TMEM132D: variants seen among roughly 807,000 people sequenced by gnomAD.
The protein encoded by TMEM132D is mature OL transmembrane protein.
TMEM132D carries 21 observed loss-of-function variants against 62.3 expected under a neutral mutation model. The observed-to-expected ratio is 0.34, with a 90% CI of 0.24 to 0.49. The LOEUF (loss-of-function observed/expected upper bound fraction) is 0.49, where lower values mean the gene tolerates loss of function less well. TMEM132D is among the 20% of genes least tolerant of loss of function. The pLI is 0.99. For synonymous variants in TMEM132D, 621 were observed against 575.6 expected, an observed-to-expected ratio of 1.08 and a Z score of -1.13; for missense variants, 1,346 against 1,402.8, an observed-to-expected ratio of 0.96 and a Z score of 0.65.
rs150837672 is a variant in TMEM132D, at chr12:129,637,990, C to T, written c.968+61820G>A. 1.4e-4 allele frequency among the ~76,000 whole-genome samples: 21 copies of T among 152,248 alleles called. No homozygotes were observed. In the East Asian group the frequency reaches 2.7e-3, roughly 20 times the overall value. On this transcript the variant is annotated intron_variant, in intron 2 of 8. Transcript: ENST00000422113. ...GCCCCACCTCCAACACTAGGGATCA[C>T]GTTTCAAAATGAGATTTGGGTGAGG...
chr12:129,165,685 T>C lies in TMEM132D; in HGVS notation c.1443+43835A>G, dbSNP rs1206794066. On this transcript the variant is annotated intron_variant, in intron 5 of 8. Coordinates refer to ENST00000422113, the MANE Select transcript of TMEM132D (RefSeq NM_133448.3). ...AGCAGTGTCAAACATTTCTTCTTTT[T>C]TTTTTTCCCCTACAAAAGAGATACT... Among the ~76,000 whole-genome samples the C allele has an allele frequency of 3.8e-5, 4 of 104,974 alleles. No homozygotes were observed. The East Asian group carries it at 9.5e-4, about 25-fold the overall frequency. The allele number at this position is 104,974 out of a possible 152,430, so 68.9% of individuals were successfully genotyped here. A position where few individuals can be genotyped will look rare whatever the true frequency, so the allele number is the denominator to read the frequency against.
intron 2 of TMEM132D, among the ~76,000 whole-genome samples, chr12:129,693,781 T>C (rs553114419): frequency 6.6e-6 from 1 of 152,214 alleles, no homozygotes; most frequent in South Asian, 2.1e-4. Flanking sequence ...CTTATTATAA[T>C]AGTAAAAAAA....
At chr12:129,314,860 G>GTTAT (rs60812899) in intron 4 of TMEM132D, among the ~76,000 whole-genome samples, 2,610 of 151,852 alleles carry the variant, frequency 0.017, 66 homozygotes, top group African/African-American at 0.058. Context: ...ATATTCCTAA[G>GTTAT]TTATTTATTT....
At chr12:129,095,399 G>T (rs1875079516) in intron 5 of TMEM132D, among the ~76,000 whole-genome samples, 1 of 145,574 alleles carries the variant, frequency 6.9e-6, no homozygotes, top group South Asian at 2.2e-4. Flanking sequence ...ACCCAGGCTG[G>T]AGTGGAGTGA....
intron 5 of TMEM132D, chr12:129,208,918 G>A (rs969647323): frequency 1.3e-5 from 2 of 152,250 alleles, no homozygotes; most frequent in African/African-American, 4.8e-5. Flanking sequence ...TTCAATTTAA[G>A]AAGAGAAAGA....
Position 129,771,525 on chromosome 12 carries a change from CG to C in TMEM132D, c.80-70828del, listed in dbSNP as rs201564194. Among the ~76,000 whole-genome samples the C allele has an allele frequency of 5.6e-4, 86 of 152,288 alleles. No homozygotes were observed. The East Asian group carries it at 0.01, about 18-fold the overall frequency. On this transcript the variant is annotated intron_variant, in intron 1 of 8. Coordinates refer to ENST00000422113, the MANE Select transcript of TMEM132D (RefSeq NM_133448.3). The stretch of plus-strand genomic sequence containing the variant: ...ATGCAGCTATTCATCTTGCCACTGC[CG>C]GTTGCCTATTTGCAAACTGGGGCCA...
At chr12:129,512,528 G>A (rs570289332) in intron 3 of TMEM132D, among the ~76,000 whole-genome samples, 1 of 152,316 alleles carries the variant, frequency 6.6e-6, no homozygotes, top group Admixed American at 6.5e-5. Context: ...ATATTGTAGT[G>A]TAACAAAACA....
chr12:129,568,784 T>G (rs1877435261), intron 2 of TMEM132D, among the ~76,000 whole-genome samples: 1 of 152,248 alleles, frequency 6.6e-6, no homozygotes, highest in South Asian at 2.1e-4. Flanking sequence ...TTTTGTTGTT[T>G]GGTTGGTTCA....
intron 2 of TMEM132D, among the ~76,000 whole-genome samples, chr12:129,598,467 C>T (rs1878400889): frequency 1.3e-5 from 2 of 152,180 alleles, no homozygotes; most frequent in African/African-American, 2.4e-5. Context: ...CCCAGCTCTA[C>T]TGCAAAATTA....
At chr12:129,691,085 C>T (rs1017466100) in intron 2 of TMEM132D, among the ~76,000 whole-genome samples, 1 of 151,746 alleles carries the variant, frequency 6.6e-6, no homozygotes, top group Non-Finnish European at 1.5e-5. Flanking sequence ...TTCTCAATAA[C>T]ATATGAATCA....
rs145078030 is a variant in TMEM132D, at chr12:129,422,782, A to G, written c.1116-84965T>C. 7.1e-3 allele frequency among the ~76,000 whole-genome samples: 1,074 copies of G among 151,968 alleles called. 9 individuals are homozygous for G. Among genetic ancestry groups the G allele is most frequent in the Admixed American group, 0.018 (270 of 15,278 alleles). On this transcript the variant is annotated intron_variant, in intron 3 of 8. Transcript: ENST00000422113. ...AGGAAAAGACTACTGTCAACAGGTAAATGATTGAATACATTATGATAAAAT... is the reference window on the plus strand; with the variant it reads ...AGGAAAAGACTACTGTCAACAGGTAGATGATTGAATACATTATGATAAAAT...
chr12:129,266,394 C>A (rs369275759), intron 4 of TMEM132D, among the ~76,000 whole-genome samples: 7 of 150,808 alleles, frequency 4.6e-5, no homozygotes, highest in African/African-American at 1.7e-4. Context: ...CCCTTCCTTT[C>A]TCTTCTCTCC....
chr12:129,890,573 G>A lies in TMEM132D; in HGVS notation c.79+12688C>T, dbSNP rs545165072. ...AGCAGTGAAGACCATGACCAACACA[G>A]AAGAAGCACAATTGTGGAAAAGAGA... On this transcript the variant is annotated intron_variant, in intron 1 of 8. Transcript: ENST00000422113. Among the ~76,000 whole-genome samples, 54 of 152,174 alleles carry A rather than the reference G, an allele frequency of 3.5e-4. 1 individual carries two copies. The highest frequency in any genetic ancestry group is 6.8e-4 in the Non-Finnish European group (46 of 68,042).
intron 1 of TMEM132D, among the ~76,000 whole-genome samples, chr12:129,824,165 C>A (rs1872601980): frequency 1.3e-5 from 2 of 152,156 alleles, no homozygotes; most frequent in Non-Finnish European, 2.9e-5. Flanking sequence ...AAGAAACCAG[C>A]TGGATTACAA....
intron 1 of TMEM132D, among the ~76,000 whole-genome samples, chr12:129,901,820 A>G (rs1272809611): frequency 2.6e-5 from 4 of 152,022 alleles, no homozygotes; most frequent in African/African-American, 4.8e-5. Flanking sequence ...CAGCATAAAC[A>G]CAAAGAAGTC....
chr12:129,492,434 C>T (rs1335005286), intron 3 of TMEM132D, among the ~76,000 whole-genome samples: 9 of 152,166 alleles, frequency 5.9e-5, no homozygotes, highest in Admixed American at 3.9e-4. Context: ...TAGTAGAGAA[C>T]ATCTCATTAG....
At chr12:129,426,685 G>A (rs114342971) in intron 3 of TMEM132D, among the ~76,000 whole-genome samples, 1,740 of 152,292 alleles carry the variant, frequency 0.011, 18 homozygotes, top group African/African-American at 0.025. Context: ...TGACACATGT[G>A]CTTACTCTAA....
At chr12:129,538,366 C>A (rs1876465753) in intron 2 of TMEM132D, among the ~76,000 whole-genome samples, 1 of 152,262 alleles carries the variant, frequency 6.6e-6, no homozygotes, top group South Asian at 2.1e-4. Context: ...GACTGGCTAA[C>A]CCCAGGAGGC....
chr12:129,294,183 A>G (rs1022674405), intron 4 of TMEM132D, among the ~76,000 whole-genome samples: 2 of 152,240 alleles, frequency 1.3e-5, no homozygotes, highest in Admixed American at 6.5e-5. Context: ...TGTTTTTACC[A>G]TGATTCAGAA....
Sources: allele counts gnomAD v4.1 joint callset (sites outside exome capture counted in the v4.1 genomes callset), GRCh38; gene constraint gnomAD v4.1.1; transcripts MANE v1.5; gene names NCBI Gene and HGNC (gene_info 2026-07-23, HGNC 2026-07-21).